Variants in STRBP observed in about 807,000 individuals in gnomAD.
STRBP encodes the protein spermatid perinuclear RNA binding protein, also known as spermatid perinuclear RNA-binding protein.
Under a neutral mutation model 80.1 loss-of-function variants are expected in STRBP, and 13 were observed. The ratio of observed to expected loss-of-function variants is 0.16; its 90% confidence interval spans 0.11 to 0.26. STRBP has a LOEUF of 0.26. STRBP is among the 10% of genes least tolerant of loss of function. The pLI, the probability that STRBP is intolerant of heterozygous loss-of-function variation, is 1.00. For synonymous variants in STRBP, 284 were observed against 291.2 expected (o/e 0.98, Z 0.25); for missense variants, 485 against 815.2 (o/e 0.59, Z 4.93).
intron 18 of STRBP, among the ~76,000 whole-genome samples, chr9:123,127,869 C>G (rs1202305092): frequency 1.3e-5 from 2 of 152,222 alleles, no homozygotes; most frequent in Non-Finnish European, 2.9e-5. Flanking sequence ...GGCTTTAAAA[C>G]TGGTAGGCAG....
Position 123,170,132 on chromosome 9 carries a change from C to G in STRBP, c.391-86G>C, listed in dbSNP as rs949725091. The G allele has an allele frequency of 5.4e-6, 7 of 1,298,882 alleles. No individual in the cohort carries two copies. In the Admixed American group the frequency reaches 1.3e-4, roughly 23 times the overall value. The allele number at this position is 1,298,882 out of a possible 1,614,324, so 80.5% of individuals were successfully genotyped here. ...AAAAACAATGCTTGTACTAAGTTCT[C>G]GAATGTTACTATTAATATTACTGTG... On this transcript the variant is annotated intron_variant, in intron 5 of 18. Coordinates refer to ENST00000348403, the MANE Select transcript of STRBP (RefSeq NM_018387.5).
At chr9:123,157,315 G>A (rs62578996) in intron 11 of STRBP, among the ~76,000 whole-genome samples, 9,174 of 152,160 alleles carry the variant, frequency 0.06, 330 homozygotes, top group Non-Finnish European at 0.067. Context: ...TAGTGATAAC[G>A]TCTCCTCCTA....
chr9:123,198,083 T>C (rs977671381), intron 2 of STRBP, among the ~76,000 whole-genome samples: 1 of 152,164 alleles, frequency 6.6e-6, no homozygotes, highest in Non-Finnish European at 1.5e-5. Context: ...TTCATATGTA[T>C]CCTGGCCATT....
intron 1 of STRBP, among the ~76,000 whole-genome samples, chr9:123,237,673 C>T (rs2040598178): frequency 6.6e-6 from 1 of 151,906 alleles, no homozygotes; most frequent in African/African-American, 2.4e-5. Context: ...AACACCTGCT[C>T]TCAACTACTG....
chr9:123,181,485 C>G (rs1398662490), intron 3 of STRBP, among the ~76,000 whole-genome samples: 1 of 152,120 alleles, frequency 6.6e-6, no homozygotes, highest in Non-Finnish European at 1.5e-5. Flanking sequence ...CTGGATGTGA[C>G]AGAATAAGCA....
At chr9:123,223,045 TA>T (rs1285000698) in intron 2 of STRBP, among the ~76,000 whole-genome samples, 3 of 143,948 alleles carry the variant, frequency 2.1e-5, no homozygotes, top group Non-Finnish European at 4.6e-5. Flanking sequence ...CTCAGATAGA[TA>T]GATGATAGAT....
chr9:123,159,673 G>A (rs1255730201), intron 8 of STRBP, among the ~76,000 whole-genome samples: 1 of 152,000 alleles, frequency 6.6e-6, no homozygotes, highest in East Asian at 1.9e-4. Context: ...ATAAACAAAC[G>A]ACCAAATGTC....
At chr9:123,173,514 C>A (rs980691684) in intron 5 of STRBP, among the ~76,000 whole-genome samples, 163 bp downstream of exon 5, 3 of 152,150 alleles carry the variant, frequency 2.0e-5, no homozygotes, top group Admixed American at 2.0e-4. Flanking sequence ...CAGAAGTTTG[C>A]TTTAACTGTG....
chr9:123,248,360 T>C (rs2040843762), intron 1 of STRBP, among the ~76,000 whole-genome samples: 2 of 144,360 alleles, frequency 1.4e-5, no homozygotes, highest in African/African-American at 5.1e-5. Flanking sequence ...CTCTGCCTCC[T>C]GGGTTCAAAC....
intron 1 of STRBP, among the ~76,000 whole-genome samples, chr9:123,252,500 A>C (rs1170510978): frequency 6.6e-6 from 1 of 152,238 alleles, no homozygotes; most frequent in African/African-American, 2.4e-5. Flanking sequence ...ACTAGGTCAA[A>C]ACAGAAAAGC....
Position 123,136,542 on chromosome 9 carries a change from T to A in STRBP, c.1498-27A>T. 2 of 1,605,942 alleles carry A rather than the reference T, an allele frequency of 1.2e-6. No homozygotes were observed. On this transcript the variant is annotated intron_variant, in intron 14 of 18. Transcript: ENST00000348403. This position sits in a 1 kb window ranked among gnomAD's most constrained non-coding sequence, Gnocchi z 4.2. ...TATAAGAGAAAGGGAATCTGAAGGT[T>A]CAATCAAGTAAGATTTTAGAATATT...
intron 2 of STRBP, among the ~76,000 whole-genome samples, chr9:123,232,183 A>C (rs1420621276): frequency 6.6e-6 from 1 of 152,102 alleles, no homozygotes; most frequent in Non-Finnish European, 1.5e-5. Flanking sequence ...TTGGTGGTAC[A>C]TGCTTGAAAT....
chr9:123,178,990 G>T lies in STRBP; in HGVS notation c.224+17C>A. ...GTGCACTCTAGCACAGCGTCCCAGA[G>T]GTCAGTCCACACTCACTTGGAATAG... On this transcript the variant is annotated intron_variant, in intron 4 of 18. Transcript: ENST00000348403. The T allele has an allele frequency of 1.2e-6, 2 of 1,612,258 alleles. No individual in the cohort carries two copies. The highest frequency in any genetic ancestry group is 2.2e-5 in the East Asian group (1 of 44,828).
intron 2 of STRBP, among the ~76,000 whole-genome samples, chr9:123,229,066 GA>G (rs1350505278): frequency 5.3e-5 from 8 of 152,304 alleles, no homozygotes; most frequent in Admixed American, 2.6e-4. Context: ...TATGCTAAGG[GA>G]AAGAAGCTAG....
At chr9:123,197,205 A>C (rs1216948124) in intron 2 of STRBP, among the ~76,000 whole-genome samples, 1 of 152,220 alleles carries the variant, frequency 6.6e-6, no homozygotes, top group Non-Finnish European at 1.5e-5. Context: ...TTAAACTCAA[A>C]GAAATAGAGA....
At chr9:123,179,637 G>A (rs1188146178) in intron 3 of STRBP, among the ~76,000 whole-genome samples, 1 of 152,026 alleles carries the variant, frequency 6.6e-6, no homozygotes, top group Non-Finnish European at 1.5e-5. Flanking sequence ...TTAGCTGGGT[G>A]TCGTGGCATG....
intron 2 of STRBP, among the ~76,000 whole-genome samples, chr9:123,227,623 T>C (rs1046377613): frequency 6.7e-6 from 1 of 149,170 alleles, no homozygotes; most frequent in Admixed American, 6.8e-5. Flanking sequence ...TGGAGTGCAG[T>C]GGTGCAATCT....
intron 1 of STRBP, among the ~76,000 whole-genome samples, chr9:123,258,327 G>C (rs1393306171): frequency 6.6e-6 from 1 of 152,172 alleles, no homozygotes; most frequent in Non-Finnish European, 1.5e-5. Flanking sequence ...AAGAGGATGG[G>C]AAAGGTTGGG....
chr9:123,159,263 G>A, intron 8 of STRBP, 56 bp from the exon 9 acceptor site: 1 of 1,275,254 alleles, frequency 7.8e-7, no homozygotes, highest in African/African-American at 1.5e-5. Flanking sequence ...AAGGATTCCA[G>A]TTAAATGTGA....
Sources: allele counts gnomAD v4.1 joint callset (sites outside exome capture counted in the v4.1 genomes callset), GRCh38; gene constraint gnomAD v4.1.1; non-coding constraint Gnocchi (gnomAD v3.1); transcripts MANE v1.5; gene names NCBI Gene and HGNC (gene_info 2026-07-23, HGNC 2026-07-21).